Variants in BCL2 observed in about 807,000 individuals in gnomAD.
BCL2 encodes the protein BCL2 apoptosis regulator, also known as apoptosis regulator Bcl-2.
In BCL2, 1 loss-of-function variant was observed where a neutral mutation model predicts 14.2. The observed-to-expected ratio is 0.07, with a 90% CI of 0.02 to 0.33. The LOEUF is 0.33. Ranked by LOEUF, BCL2 falls within the 10% of genes least tolerant of loss-of-function variation. The pLI is 0.99. For synonymous variants in BCL2, 151 were observed against 137.2 expected (o/e 1.10, Z -0.70); for missense variants, 247 against 305.9 (o/e 0.81, Z 1.44).
At chr18:63,250,506 CGAT>C (rs1371611941) in intron 2 of BCL2, among the ~76,000 whole-genome samples, 3 of 152,148 alleles carry the variant, frequency 2.0e-5, no homozygotes, top group Non-Finnish European at 4.4e-5. Flanking sequence ...AATATGATGA[CGAT>C]GATGATGGTT....
At chr18:63,165,336 C>G (rs2144622891) in intron 2 of BCL2, among the ~76,000 whole-genome samples, 1 of 152,220 alleles carries the variant, frequency 6.6e-6, no homozygotes, top group African/African-American at 2.4e-5. Flanking sequence ...GGTCTCTGTC[C>G]CTCTCTCTGG....
At chr18:63,198,375 GAC>G (rs879699840) in intron 2 of BCL2, among the ~76,000 whole-genome samples, 13 of 115,816 alleles carry the variant, frequency 1.1e-4, no homozygotes, top group African/African-American at 4.1e-4. Flanking sequence ...CACTGACATA[GAC>G]ACACACAGAC....
chr18:63,270,286 A>C (rs1911969150), intron 2 of BCL2, among the ~76,000 whole-genome samples: 1 of 152,226 alleles, frequency 6.6e-6, no homozygotes, highest in African/African-American at 2.4e-5. Flanking sequence ...ATACAGAGCT[A>C]TTCACTGAAT....
At chr18:63,191,897 T>G (rs1239401171) in intron 2 of BCL2, among the ~76,000 whole-genome samples, 1 of 152,216 alleles carries the variant, frequency 6.6e-6, no homozygotes, top group Non-Finnish European at 1.5e-5. Context: ...ATTGGCCTAG[T>G]CTTCATTTCT....
chr18:63,169,358 T>C lies in BCL2; in HGVS notation c.586-40599A>G, dbSNP rs1223456615. 1.3e-3 allele frequency among the ~76,000 whole-genome samples: 84 copies of C among 64,310 alleles called. 5 individuals are homozygous for C. The highest frequency in any genetic ancestry group is 6.3e-3 in the African/African-American group (81 of 12,798). 42.2% of individuals were successfully genotyped at this position (64,310 alleles called of 152,430 possible). A position where few individuals can be genotyped will look rare whatever the true frequency, so the allele number is the denominator to read the frequency against. ...CTTCCTTTCTTTCTTTCTTTCTTTC[T>C]TTCTTTCTTTCTCTTTCTTTCTTTC... On this transcript the variant is annotated intron_variant, in intron 2 of 2. Coordinates refer to ENST00000333681, the MANE Select transcript of BCL2 (RefSeq NM_000633.3).
chr18:63,215,122 C>T (rs550262772), intron 2 of BCL2, among the ~76,000 whole-genome samples: 22 of 152,234 alleles, frequency 1.4e-4, no homozygotes, highest in African/African-American at 5.1e-4. Context: ...CATATTATTG[C>T]CCCATATTTG....
intron 2 of BCL2, among the ~76,000 whole-genome samples, chr18:63,152,456 G>A (rs113611915): frequency 0.021 from 3,151 of 152,180 alleles, 90 homozygotes; most frequent in African/African-American, 0.068. Flanking sequence ...AAATTAATTC[G>A]TAAATACCTT....
chr18:63,211,063 C>CTTTTTTTTTTTTTTTTT (rs59302545), intron 2 of BCL2, among the ~76,000 whole-genome samples: 13 of 59,140 alleles, frequency 2.2e-4, no homozygotes, highest in East Asian at 6.0e-4. Context: ...CTTTTCATTT[C>CTTTTTTTTTTTTTTTTT]TTTTTTTTTT....
At chr18:63,285,478 A>T (rs771409549) in intron 2 of BCL2, among the ~76,000 whole-genome samples, 1 of 152,206 alleles carries the variant, frequency 6.6e-6, no homozygotes, top group African/African-American at 2.4e-5. Flanking sequence ...TTGGAGCTGT[A>T]GCTAGGTAAG....
chr18:63,216,798 A>G (rs1910217943), intron 2 of BCL2, among the ~76,000 whole-genome samples: 1 of 152,216 alleles, frequency 6.6e-6, no homozygotes. Flanking sequence ...AAAGATTCCA[A>G]TGTGATTCTG....
intron 2 of BCL2, among the ~76,000 whole-genome samples, chr18:63,166,513 A>G (rs1915049082): frequency 6.6e-6 from 1 of 152,216 alleles, no homozygotes; most frequent in Non-Finnish European, 1.5e-5. Flanking sequence ...AGCCCATACG[A>G]TATCATGATC....
In BCL2 at chr18:63,317,560, G is replaced by A. The variant is rs548730224; in HGVS notation, c.585+522C>T. 7.0e-5 allele frequency: 69 copies of A among 987,416 alleles called. 1 individual carries two copies. In the South Asian group the frequency reaches 2.7e-3, roughly 38 times the overall value. The allele number at this position is 987,416 out of a possible 1,614,324, so 61.2% of individuals were successfully genotyped here. A position where few individuals can be genotyped will look rare whatever the true frequency, so the allele number is the denominator to read the frequency against. On this transcript the variant is annotated intron_variant, in intron 2 of 2. Coordinates refer to ENST00000333681, the MANE Select transcript of BCL2 (RefSeq NM_000633.3). ...TTTTCCTCTTTTGGAAAATTTTACC[G>A]ATTGATGATGCCCTTGGTCTTCTGT...
chr18:63,140,366 C>T (rs1195797138), intron 2 of BCL2, among the ~76,000 whole-genome samples: 3 of 152,186 alleles, frequency 2.0e-5, no homozygotes, highest in African/African-American at 7.2e-5. Context: ...CAGCATTATT[C>T]ATAATAGCCA....
rs1914314270 is a variant in BCL2, at chr18:63,140,019, G to A, written c.586-11260C>T. Among the ~76,000 whole-genome samples the A allele has an allele frequency of 1.3e-5, 2 of 152,164 alleles. 1 individual carries two copies. The highest frequency in any genetic ancestry group is 4.1e-4 in the South Asian group (2 of 4,826). On this transcript the variant is annotated intron_variant, in intron 2 of 2. Transcript: ENST00000333681. ...TCTGGTAGACATTTTACCAGTGAAGGTACACAAATGGCCAGTAAGTGCATG... is the reference window on the plus strand; with the variant it reads ...TCTGGTAGACATTTTACCAGTGAAGATACACAAATGGCCAGTAAGTGCATG...
At chr18:63,153,483 A>G (rs17678294) in intron 2 of BCL2, among the ~76,000 whole-genome samples, 28,891 of 152,162 alleles carry the variant, frequency 0.19, 3,226 homozygotes, top group Non-Finnish European at 0.26. Context: ...AAACTTTTGA[A>G]GCCAGTTAAG....
chr18:63,289,884 C>T (rs1912597943), intron 2 of BCL2, among the ~76,000 whole-genome samples: 1 of 152,244 alleles, frequency 6.6e-6, no homozygotes, highest in South Asian at 2.1e-4. Context: ...CAGAGCGAGA[C>T]TCCACCTCAA....
rs1233758061 is a variant in BCL2, at chr18:63,126,816, T to C, written c.*1809A>G. On this transcript the variant is annotated 3_prime_UTR_variant, in exon 3 of 3. Transcript: ENST00000333681. ...AAAAAACGCTGAGATGCATGTATTT[T>C]TTTAAAGCAGCTTTCGAAATATCAA... is the stretch of plus-strand genomic sequence containing the variant. The C allele has an allele frequency of 1.3e-5, 3 of 228,910 alleles. No individual in the cohort carries two copies. Among genetic ancestry groups the C allele is most frequent in the Non-Finnish European group, 2.6e-5 (3 of 115,120 alleles). The allele number at this position is 228,910 out of a possible 1,614,324, so 14.2% of individuals were successfully genotyped here. A position where few individuals can be genotyped will look rare whatever the true frequency, so the allele number is the denominator to read the frequency against.
rs575219471 is a variant in BCL2 at position 63,281,736 on chromosome 18, GAAAA to G, written c.585+36342_585+36345del. 2.4e-4 allele frequency among the ~76,000 whole-genome samples: 33 copies of G among 136,858 alleles called. 1 individual carries two copies. The highest frequency in any genetic ancestry group is 1.2e-3 in the Admixed American group (16 of 13,636). 89.8% of individuals were successfully genotyped at this position (136,858 alleles called of 152,430 possible). ...AGAAAGAAAGAAAGAAAGAAAGAAA[GAAAA>G]AGAGAGAGGAAAGAAAGAGAAAAAG... On this transcript the variant is annotated intron_variant, in intron 2 of 2. Coordinates refer to ENST00000333681, the MANE Select transcript of BCL2 (RefSeq NM_000633.3).
chr18:63,246,076 T>G (rs1911143990), intron 2 of BCL2, among the ~76,000 whole-genome samples: 1 of 152,068 alleles, frequency 6.6e-6, no homozygotes, highest in African/African-American at 2.4e-5. Context: ...TCACACTGGG[T>G]TCACCAGCAT....
Sources: gnomAD v4.1 joint callset for allele counts (sites outside exome capture counted in the v4.1 genomes callset) on GRCh38, gnomAD v4.1.1 for gene constraint, MANE v1.5 for transcripts, NCBI Gene and HGNC (gene_info 2026-07-23, HGNC 2026-07-21) for gene names.